The following WIPI1 variants were observed in gnomAD, a reference collection of about 807,000 sequenced individuals.
WIPI1 encodes the protein WD repeat domain phosphoinositide-interacting protein 1.
WIPI1 carries 45 observed loss-of-function variants against 55.3 expected under a neutral mutation model. The ratio of observed to expected loss-of-function variants is 0.81; its 90% CI spans 0.64 to 1.04. The LOEUF (loss-of-function observed/expected upper bound fraction) is 1.04, where lower values mean the gene tolerates loss of function less well. Ranked by LOEUF, WIPI1 falls within the 50% of genes least tolerant of loss-of-function variation. WIPI1 has a pLI of 0.00. For synonymous variants in WIPI1, 195 were observed against 217.6 expected, an observed-to-expected ratio of 0.90 and a Z score of 0.92; for missense variants, 445 against 559.0, an observed-to-expected ratio of 0.80 and a Z score of 2.06.
intron 9 of WIPI1, among the ~76,000 whole-genome samples, chr17:68,429,667 C>T (rs1007458537): frequency 1.3e-5 from 2 of 152,118 alleles, no homozygotes; most frequent in African/African-American, 4.8e-5. Flanking sequence ...CGGCTCACTG[C>T]AACCTCCGCC....
rs998620704 is a variant in WIPI1 at position 68,423,130 on chromosome 17, G to A, written c.1294-1310C>T. Among the ~76,000 whole-genome samples, 5 of 152,186 alleles carry A rather than the reference G, an allele frequency of 3.3e-5. No individual in the cohort carries two copies. The highest frequency in any genetic ancestry group is 1.2e-4 in the African/African-American group (5 of 41,440). ...CAAGAGAGGCGATTTTAACCAAGCT[G>A]AGACTCCAAGAGCCTTTTGTGGTCC... On this transcript the variant is annotated intron_variant, in intron 12 of 12. Coordinates refer to ENST00000262139, the MANE Select transcript of WIPI1 (RefSeq NM_017983.7). This position sits in a 1 kb window ranked among gnomAD's most constrained non-coding sequence, Gnocchi z 4.4.
chr17:68,443,383 G>A (rs2084160630), intron 4 of WIPI1, among the ~76,000 whole-genome samples: 1 of 152,078 alleles, frequency 6.6e-6, no homozygotes, highest in South Asian at 2.1e-4. Context: ...AATGTGCTGC[G>A]ATTATAGGTG....
chr17:68,433,034 T>C (rs2083597868), intron 8 of WIPI1, among the ~76,000 whole-genome samples: 1 of 152,240 alleles, frequency 6.6e-6, no homozygotes, highest in African/African-American at 2.4e-5. Flanking sequence ...AAGCGCTCAG[T>C]GGTGCTGCTG....
At chr17:68,444,754 C>T (rs2084213312) in intron 3 of WIPI1, among the ~76,000 whole-genome samples, 165 bp from the exon 4 acceptor site, 1 of 152,174 alleles carries the variant, frequency 6.6e-6, no homozygotes, top group Admixed American at 6.5e-5. Context: ...CACACATACA[C>T]ATGTAATCAT....
chr17:68,429,021 A>C, intron 9 of WIPI1, 85 bp from the exon 10 acceptor site: 2 of 995,082 alleles, frequency 2.0e-6, no homozygotes, highest in Non-Finnish European at 3.1e-6. Context: ...CCCTCACCCT[A>C]GCTGTCACCA....
At chr17:68,455,306 C>CT (rs2084618582) in intron 1 of WIPI1, among the ~76,000 whole-genome samples, 1 of 147,032 alleles carries the variant, frequency 6.8e-6, no homozygotes, top group Non-Finnish European at 1.5e-5. Flanking sequence ...AGAGGCTGCA[C>CT]TGAGCCAAGA....
In WIPI1 at chr17:68,434,611, C is replaced by T. The variant is rs868070556; in HGVS notation, c.637G>A (p.Val213Met). Reference protein sequence around the residue: ...SASEKGTVIRVFSVPDGQKLY... With the variant: ...SASEKGTVIRMFSVPDGQKLY... Reference sequence around the variant, plus strand: ...TTTTGCCCATCAGGGACAGAGAACACCCGGATGACTGTGCCCTGGAAAAGA... The same window carrying T: ...TTTTGCCCATCAGGGACAGAGAACATCCGGATGACTGTGCCCTGGAAAAGA... Residue 213 changes from valine (V) to methionine (M), a missense_variant, in exon 7 of 13, where the codon GTG becomes ATG. Coordinates refer to ENST00000262139, the MANE Select transcript of WIPI1 (RefSeq NM_017983.7). 3.1e-6 allele frequency: 5 copies of T among 1,613,918 alleles called. No individual in the cohort carries two copies. The highest frequency in any genetic ancestry group is 1.6e-4 in the Middle Eastern group (1 of 6,084).
chr17:68,442,397 G>A (rs775285346), intron 4 of WIPI1, among the ~76,000 whole-genome samples: 42 of 150,158 alleles, frequency 2.8e-4, no homozygotes, highest in African/African-American at 8.3e-4. Context: ...TCCGGGAGGC[G>A]AAGGTTGCAG....
At position 68,421,832 on chromosome 17, in the gene WIPI1, A is replaced by C. The variant is rs938892205; in HGVS notation, c.1294-12T>G. 2 of 1,614,210 alleles carry C rather than the reference A, an allele frequency of 1.2e-6. No individual in the cohort carries two copies. The highest frequency in any genetic ancestry group is 8.5e-7 in the Non-Finnish European group (1 of 1,180,028). ...CGGCACAAGATTATCTACCAAAATC[A>C]AAACAGAATGGCCTTACTCTTCTCA... On this transcript the variant is annotated splice_polypyrimidine_tract_variant and intron_variant, in intron 12 of 12. Transcript: ENST00000262139.
chr17:68,435,840 CA>C (rs781318103), intron 5 of WIPI1, 128 bp from the exon 6 acceptor site: 53 of 819,794 alleles, frequency 6.5e-5, no homozygotes, highest in Non-Finnish European at 9.8e-5. Flanking sequence ...CTCTGTCCCC[CA>C]GGCCATCTGC....
rs1404664357 is a variant in WIPI1 at position 68,423,423 on chromosome 17, A to G, written c.1294-1603T>C. Among the ~76,000 whole-genome samples, 1 of 152,122 alleles carries G rather than the reference A, an allele frequency of 6.6e-6. No individual in the cohort carries two copies. The highest frequency in any genetic ancestry group is 1.5e-5 in the Non-Finnish European group (1 of 68,018). Reference sequence around the variant, plus strand: ...GGAGCACTGCCCCTCATCACCATCTACCTGCAGGCTGGAGGGCAGACTGAG... The same window carrying G: ...GGAGCACTGCCCCTCATCACCATCTGCCTGCAGGCTGGAGGGCAGACTGAG... On this transcript the variant is annotated intron_variant, in intron 12 of 12. Transcript: ENST00000262139. This position sits in a 1 kb window ranked among gnomAD's most constrained non-coding sequence, Gnocchi z 4.4.
intron 2 of WIPI1, 25 bp downstream of exon 2, chr17:68,452,885 T>C (rs1343624447): frequency 6.2e-7 from 1 of 1,607,788 alleles, no homozygotes; most frequent in Non-Finnish European, 8.5e-7. Flanking sequence ...TGCAGATCCC[T>C]GAGGTCTCTC....
chr17:68,454,989 T>C (rs1272373787), intron 1 of WIPI1, among the ~76,000 whole-genome samples: 1 of 152,192 alleles, frequency 6.6e-6, no homozygotes, highest in Non-Finnish European at 1.5e-5. Context: ...ATAAAGTCTT[T>C]CTGTAGAAAC....
In WIPI1 at chr17:68,433,393, C is replaced by T; in HGVS notation, c.800+75G>A. On this transcript the variant is annotated intron_variant, in intron 8 of 12. Transcript: ENST00000262139. ...TTGGGTGTTCAGAAAGAAAAGAGAT[C>T]ATTCATGCCAGTAGAAGAGCCTAGG... 6 of 1,286,772 alleles carry T rather than the reference C, an allele frequency of 4.7e-6. No homozygotes were observed. The South Asian group carries it at 4.8e-5, about 10-fold the overall frequency. 79.7% of individuals were successfully genotyped at this position (1,286,772 alleles called of 1,614,324 possible).
rs200734974 is a variant in WIPI1 at position 68,452,916 on chromosome 17, C to T, written c.157G>A (p.Gly53Arg). ...SSVEQLDQVH[G>R]SNEIPDVYIV... ...CTCTCTCACACACACTTACTGCTTCCGTGGACTTGATCCAGCTGCTCCACA... is the reference window on the plus strand; with the variant it reads ...CTCTCTCACACACACTTACTGCTTCTGTGGACTTGATCCAGCTGCTCCACA... Residue 53 changes from glycine to arginine, a missense_variant, in exon 2 of 13, where the codon GGA (glycine) becomes AGA (arginine). Transcript: ENST00000262139. 180 of 1,613,654 alleles carry T rather than the reference C, an allele frequency of 1.1e-4. No homozygotes were observed. Among genetic ancestry groups the T allele is most frequent in the Non-Finnish European group, 2.5e-5 (30 of 1,179,960 alleles).
intron 4 of WIPI1, among the ~76,000 whole-genome samples, chr17:68,439,854 C>T (rs1004517329): frequency 3.3e-5 from 5 of 152,124 alleles, no homozygotes; most frequent in African/African-American, 1.2e-4. Context: ...GATGCCAAGC[C>T]TTCGTTTCTT....
At chr17:68,426,284 GCTGT>G (rs1309940109) in intron 11 of WIPI1, 109 bp from the exon 12 acceptor site, 5 of 845,270 alleles carry the variant, frequency 5.9e-6, no homozygotes, top group Middle Eastern at 3.4e-4. Flanking sequence ...AAGCAAAGGG[GCTGT>G]CTGTCTTCCC....
intron 8 of WIPI1, among the ~76,000 whole-genome samples, chr17:68,430,605 C>T (rs753026195): frequency 1.6e-4 from 24 of 152,172 alleles, no homozygotes; most frequent in East Asian, 1.2e-3. Context: ...AGCAAACCTC[C>T]GGGCAAGACA....
chr17:68,457,301 C>A, intron 1 of WIPI1, 41 bp downstream of exon 1: 1 of 1,537,084 alleles, frequency 6.5e-7, no homozygotes. Context: ...TCCTGACACT[C>A]TGTCCCCCAC....
Sources: gnomAD v4.1 joint callset for allele counts (sites outside exome capture counted in the v4.1 genomes callset) on GRCh38, gnomAD v4.1.1 for gene constraint, Gnocchi (gnomAD v3.1) non-coding constraint, MANE v1.5 for transcripts, NCBI Gene and HGNC (gene_info 2026-07-23, HGNC 2026-07-21) for gene names.